Variants in NFIB observed in about 807,000 individuals in gnomAD.
NFIB encodes nuclear factor I B.
In NFIB, 11 loss-of-function variants were observed where a neutral mutation model predicts 61.5. The ratio of observed to expected loss-of-function variants is 0.18; its 90% CI spans 0.11 to 0.30. The LOEUF (loss-of-function observed/expected upper bound fraction) is 0.30. Among genes scored for constraint, NFIB ranks in the 10% least tolerant of loss-of-function variants. The probability of loss-of-function intolerance (pLI) is 1.00; values close to 1 mark genes in which losing one functional copy is unlikely to be tolerated. For missense variants in NFIB, 471 were observed against 608.9 expected, an observed-to-expected ratio of 0.77 and a Z score of 2.38; for synonymous variants, 260 against 216.5, an observed-to-expected ratio of 1.20 and a Z score of -1.76.
At chr9:14,348,940 C>G (rs911058231) in intron 1 of NFIB, among the ~76,000 whole-genome samples, 1 of 152,204 alleles carries the variant, frequency 6.6e-6, no homozygotes, top group Non-Finnish European at 1.5e-5. Context: ...TTCCTGGGCT[C>G]CCGCCCCCAC....
intron 2 of NFIB, among the ~76,000 whole-genome samples, chr9:14,220,379 G>C (rs2051487917): frequency 6.6e-6 from 1 of 152,190 alleles, no homozygotes; most frequent in Non-Finnish European, 1.5e-5. Context: ...GGCTTAGAGA[G>C]AGATGCTTTG....
chr9:14,445,219 G>A, the NFIB span, among the ~76,000 whole-genome samples: 1 of 152,198 alleles, frequency 6.6e-6, no homozygotes, highest in East Asian at 1.9e-4. Flanking sequence ...TAATTAACCT[G>A]TATATTTTGG....
At chr9:14,487,344 C>T in the NFIB span, among the ~76,000 whole-genome samples, 1 of 152,164 alleles carries the variant, frequency 6.6e-6, no homozygotes, top group African/African-American at 2.4e-5. Flanking sequence ...TCCTGGTTAC[C>T]CTTTTACAAT....
At chr9:14,475,547 T>G in the NFIB span, among the ~76,000 whole-genome samples, 1 of 152,126 alleles carries the variant, frequency 6.6e-6, no homozygotes, top group East Asian at 1.9e-4. Flanking sequence ...TGTCCTTCAT[T>G]GCTCTCCTCC....
intron 1 of NFIB, among the ~76,000 whole-genome samples, chr9:14,347,949 T>C (rs542509439): frequency 6.6e-6 from 1 of 152,270 alleles, no homozygotes; most frequent in African/African-American, 2.4e-5. Flanking sequence ...ACGCGGTGTC[T>C]GGTCTCCGCG....
chr9:14,427,996 A>G, the NFIB span, among the ~76,000 whole-genome samples: 1 of 117,042 alleles, frequency 8.5e-6, no homozygotes, highest in Non-Finnish European at 1.6e-5. Context: ...TCAGGCCAGA[A>G]TACAGCGGTG....
chr9:14,174,961 G>A (rs1480174335), intron 3 of NFIB, among the ~76,000 whole-genome samples: 1 of 151,824 alleles, frequency 6.6e-6, no homozygotes. Context: ...TCTAAGATCT[G>A]AAAAATCAAG....
chr9:14,462,415 A>T, the NFIB span, among the ~76,000 whole-genome samples: 2 of 151,700 alleles, frequency 1.3e-5, no homozygotes, highest in South Asian at 4.2e-4. Context: ...CCCCAGCAGC[A>T]GGGACTACAG....
chr9:14,380,365 C>G (rs2061473590), intron 1 of NFIB, among the ~76,000 whole-genome samples: 1 of 152,174 alleles, frequency 6.6e-6, no homozygotes, highest in Non-Finnish European at 1.5e-5. Flanking sequence ...CAAACTAGGA[C>G]TGATGCTTGC....
the NFIB span, among the ~76,000 whole-genome samples, chr9:14,442,962 C>G: frequency 6.6e-6 from 1 of 152,014 alleles, no homozygotes; most frequent in East Asian, 1.9e-4. Context: ...GCCACACTTG[C>G]GACATGGCCA....
chr9:14,296,878 ATACTT>A lies in NFIB; in HGVS notation c.562+10106_562+10110del, dbSNP rs201530009. ...AATTCAAAATTCAAAGGATGACAGA[ATACTT>A]TAATTTGCACATTATTTACTCTTCA... On this transcript the variant is annotated intron_variant, in intron 2 of 10. Transcript: ENST00000380953. Among the ~76,000 whole-genome samples, 29 of 152,368 alleles carry A rather than the reference ATACTT, an allele frequency of 1.9e-4. No homozygotes were observed. The East Asian group carries it at 5.0e-3, about 26-fold the overall frequency.
chr9:14,458,581 C>G, the NFIB span, among the ~76,000 whole-genome samples: 3 of 152,172 alleles, frequency 2.0e-5, no homozygotes, highest in East Asian at 1.9e-4. Flanking sequence ...CAAATTGTCC[C>G]TCTTTGCAGA....
At chr9:14,470,837 T>G in the NFIB span, among the ~76,000 whole-genome samples, 1 of 152,142 alleles carries the variant, frequency 6.6e-6, no homozygotes, top group African/African-American at 2.4e-5. Context: ...AAGACCTCAG[T>G]GTAACCCATT....
intron 2 of NFIB, among the ~76,000 whole-genome samples, chr9:14,248,398 G>A (rs967987787): frequency 3.3e-5 from 5 of 151,008 alleles, no homozygotes; most frequent in African/African-American, 1.2e-4. Flanking sequence ...AGCCTCCAGA[G>A]TAGCTGGGAT....
chr9:14,309,121 T>C (rs2060165509), intron 1 of NFIB, among the ~76,000 whole-genome samples: 2 of 152,340 alleles, frequency 1.3e-5, no homozygotes, highest in South Asian at 2.1e-4. Flanking sequence ...TACATACTCA[T>C]GTTAATCACC....
At chr9:14,231,135 A>T (rs374800844) in intron 2 of NFIB, among the ~76,000 whole-genome samples, 4,423 of 35,044 alleles carry the variant, frequency 0.13, 341 homozygotes, top group African/African-American at 0.19. Flanking sequence ...AAAAAAAAAA[A>T]ATATATATAT....
the NFIB span, among the ~76,000 whole-genome samples, chr9:14,404,741 A>G: frequency 2.0e-5 from 3 of 152,208 alleles, no homozygotes; most frequent in African/African-American, 7.2e-5. Context: ...TAAAGAGACT[A>G]GGACCATGGA....
intron 1 of NFIB, among the ~76,000 whole-genome samples, chr9:14,389,220 A>G (rs1046824842): frequency 2.4e-4 from 37 of 152,168 alleles, no homozygotes; most frequent in Non-Finnish European, 5.9e-5. Context: ...TCCTTCTGTC[A>G]CAACCACTTA....
chr9:14,343,831 G>T (rs531145392), intron 1 of NFIB, among the ~76,000 whole-genome samples: 3 of 128,036 alleles, frequency 2.3e-5, no homozygotes, highest in South Asian at 4.6e-4. Context: ...ACAAGGGGGG[G>T]TCGGGGGGGG....
Sources: gnomAD v4.1 joint callset for allele counts (sites outside exome capture counted in the v4.1 genomes callset) on GRCh38, gnomAD v4.1.1 for gene constraint, MANE v1.5 for transcripts, NCBI Gene and HGNC (gene_info 2026-07-23, HGNC 2026-07-21) for gene names.